Variants in ZMIZ1 observed in about 807,000 individuals in gnomAD.
The protein encoded by ZMIZ1 is zinc finger MIZ domain-containing protein 1.
ZMIZ1 carries 17 observed loss-of-function variants against 113.9 expected under a neutral mutation model. That is an observed-to-expected ratio of 0.15 (90% confidence interval 0.10 to 0.22). The LOEUF (loss-of-function observed/expected upper bound fraction) is 0.22. Among genes scored for constraint, ZMIZ1 ranks in the 10% least tolerant of loss-of-function variants. The probability of loss-of-function intolerance (pLI) is 1.00; values close to 1 mark genes in which losing one functional copy is unlikely to be tolerated. For missense variants in ZMIZ1, 1,059 were observed against 1,477.8 expected (o/e 0.72, Z 4.65); for synonymous variants, 607 against 603.1 (o/e 1.01, Z -0.09).
chr10:79,149,749 G>A (rs770459190), intron 3 of ZMIZ1, among the ~76,000 whole-genome samples: 5 of 152,228 alleles, frequency 3.3e-5, no homozygotes, highest in Non-Finnish European at 7.3e-5. Flanking sequence ...CCTGAACTTG[G>A]CCTTGGTTCA....
chr10:79,097,295 C>G (rs1476987545), intron 1 of ZMIZ1, among the ~76,000 whole-genome samples: 3 of 152,230 alleles, frequency 2.0e-5, no homozygotes, highest in Non-Finnish European at 4.4e-5. Context: ...GAGGCCTGGC[C>G]TGAGCCCTTA....
intron 7 of ZMIZ1, among the ~76,000 whole-genome samples, chr10:79,248,869 G>A (rs997219209): frequency 5.3e-5 from 8 of 152,188 alleles, no homozygotes; most frequent in African/African-American, 1.7e-4. Context: ...ATGGGTGCCA[G>A]CGGGTAGTCT....
chr10:79,240,037 G>A (rs893305623), intron 7 of ZMIZ1, among the ~76,000 whole-genome samples: 10 of 152,166 alleles, frequency 6.6e-5, no homozygotes, highest in Middle Eastern at 3.2e-3. Flanking sequence ...GTGATTTATC[G>A]GCGGCTCCTC....
rs1007472322 is a variant in ZMIZ1 at position 79,208,250 on chromosome 10, G to A, written c.61-86G>A. The A allele has an allele frequency of 9.3e-5, 107 of 1,145,838 alleles. 1 individual carries two copies. Among genetic ancestry groups the A allele is most frequent in the Non-Finnish European group, 1.3e-4 (102 of 769,552 alleles). 71.0% of individuals were successfully genotyped at this position (1,145,838 alleles called of 1,614,324 possible). ...TGTGAACCTCCTCCCCAGTGAGGCTGGGTTCTTCCCACCCCAGACCCCCAC... is the reference window on the plus strand; with the variant it reads ...TGTGAACCTCCTCCCCAGTGAGGCTAGGTTCTTCCCACCCCAGACCCCCAC... On this transcript the variant is annotated intron_variant, in intron 5 of 24. Transcript: ENST00000334512.
At chr10:79,280,093 TC>T (rs2131986301) in intron 8 of ZMIZ1, among the ~76,000 whole-genome samples, 1 of 151,698 alleles carries the variant, frequency 6.6e-6, no homozygotes, top group South Asian at 2.1e-4. Flanking sequence ...GCTCAAGTGA[TC>T]CTCCCATCTC....
At chr10:79,218,307 C>A (rs941198793) in intron 7 of ZMIZ1, among the ~76,000 whole-genome samples, 1 of 152,066 alleles carries the variant, frequency 6.6e-6, no homozygotes, top group African/African-American at 2.4e-5. Context: ...AACCCCATAT[C>A]TACAAAAAAA....
intron 3 of ZMIZ1, among the ~76,000 whole-genome samples, chr10:79,145,893 A>T (rs1333066532): frequency 6.6e-6 from 1 of 152,130 alleles, no homozygotes; most frequent in Admixed American, 6.5e-5. Context: ...TTTTTATTAG[A>T]GACAAGGTCT....
At chr10:79,250,888 C>T (rs1337693164) in intron 7 of ZMIZ1, among the ~76,000 whole-genome samples, 1 of 152,116 alleles carries the variant, frequency 6.6e-6, no homozygotes, top group African/African-American at 2.4e-5. Context: ...AACCCTAGGT[C>T]CTGGCACCCA....
rs59789220 is a variant in ZMIZ1, at chr10:79,166,001, TGG to T, written c.-50+3870_-50+3871del. On this transcript the variant is annotated intron_variant, in intron 4 of 24. Transcript: ENST00000334512. ...GTGTGTGTGTGTGTGTGTGTGTGTG[TGG>T]GCTCTCCCTGCAGGGTGGGGCAGTG... Among the ~76,000 whole-genome samples the T allele has an allele frequency of 2.1e-3, 128 of 61,858 alleles. 1 individual carries two copies. Among genetic ancestry groups the T allele is most frequent in the African/African-American group, 6.8e-3 (126 of 18,644 alleles). 40.6% of individuals were successfully genotyped at this position (61,858 alleles called of 152,430 possible). A position where few individuals can be genotyped will look rare whatever the true frequency, so the allele number is the denominator to read the frequency against.
At chr10:79,162,608 C>T (rs1846159060) in intron 4 of ZMIZ1, among the ~76,000 whole-genome samples, 2 of 152,296 alleles carry the variant, frequency 1.3e-5, no homozygotes, top group South Asian at 4.1e-4. Context: ...GGATTCAAAT[C>T]CTGACTGGCA....
intron 1 of ZMIZ1, among the ~76,000 whole-genome samples, chr10:79,117,173 T>A (rs1844069871): frequency 6.6e-6 from 1 of 152,258 alleles, no homozygotes; most frequent in African/African-American, 2.4e-5. Context: ...GCAGGACCTC[T>A]TGAGGAGGCC....
chr10:79,272,797 C>T (rs547960514), intron 7 of ZMIZ1, among the ~76,000 whole-genome samples: 127 of 152,314 alleles, frequency 8.3e-4, no homozygotes, highest in African/African-American at 2.9e-3. Context: ...CGTGCTTTTA[C>T]GTTTTACGCT....
chr10:79,230,554 C>T lies in ZMIZ1; in HGVS notation c.280+14280C>T, dbSNP rs150627652. ...CACTTCCTCCCAATTAAGCGTCTGCCGGGAGTCGAGGGGCCCGCCTGTGTG... is the reference window on the plus strand; with the variant it reads ...CACTTCCTCCCAATTAAGCGTCTGCTGGGAGTCGAGGGGCCCGCCTGTGTG... On this transcript the variant is annotated intron_variant, in intron 7 of 24. Coordinates refer to ENST00000334512, the MANE Select transcript of ZMIZ1 (RefSeq NM_020338.4). 4.3e-4 allele frequency among the ~76,000 whole-genome samples: 66 copies of T among 152,310 alleles called. No individual in the cohort carries two copies. In the East Asian group the frequency reaches 6.6e-3, roughly 15 times the overall value.
chr10:79,077,708 G>A (rs1842521737), intron 1 of ZMIZ1, among the ~76,000 whole-genome samples: 1 of 152,222 alleles, frequency 6.6e-6, no homozygotes, highest in Admixed American at 6.5e-5. Flanking sequence ...CTTTGGGCAA[G>A]TAATGTTTAA....
intron 7 of ZMIZ1, among the ~76,000 whole-genome samples, chr10:79,262,082 C>T (rs1851304364): frequency 6.6e-6 from 1 of 152,194 alleles, no homozygotes; most frequent in East Asian, 1.9e-4. Flanking sequence ...GCCCTAAGAA[C>T]TTGCTTATGT....
intron 1 of ZMIZ1, among the ~76,000 whole-genome samples, chr10:79,100,225 TAGGGG>T (rs1388409035): frequency 3.9e-5 from 6 of 151,952 alleles, no homozygotes; most frequent in Admixed American, 3.3e-4. Context: ...GTCAGCCTAC[TAGGGG>T]AGGGCATTCA....
At chr10:79,189,548 C>T (rs1014839531) in intron 4 of ZMIZ1, among the ~76,000 whole-genome samples, 1 of 152,218 alleles carries the variant, frequency 6.6e-6, no homozygotes, top group Non-Finnish European at 1.5e-5. Context: ...CTGAGGCATA[C>T]TGAGGCTAGC....
At chr10:79,272,556 G>A (rs1000726424) in intron 7 of ZMIZ1, among the ~76,000 whole-genome samples, 8 of 152,362 alleles carry the variant, frequency 5.3e-5, no homozygotes, top group Admixed American at 3.3e-4. Flanking sequence ...ACTCAGCAGT[G>A]GGGGCCATGT....
chr10:79,296,694 T>A lies in ZMIZ1; in HGVS notation c.1413+41T>A. 6.6e-7 allele frequency: 1 copy of A among 1,508,034 alleles called. No individual in the cohort carries two copies. The highest frequency in any genetic ancestry group is 8.9e-7 in the Non-Finnish European group (1 of 1,125,580). The allele number at this position is 1,508,034 out of a possible 1,614,324, so 93.4% of individuals were successfully genotyped here. A position where few individuals can be genotyped will look rare whatever the true frequency, so the allele number is the denominator to read the frequency against. On this transcript the variant is annotated intron_variant, in intron 13 of 24. Transcript: ENST00000334512. The surrounding 1 kb of genome is among the most constrained non-coding windows in gnomAD (Gnocchi z 4.1). ...GCCACCACCCACGGGGCCCCTTCCCTCCTAACCACCTCACTCCCCTAACTC... is the reference window on the plus strand; with the variant it reads ...GCCACCACCCACGGGGCCCCTTCCCACCTAACCACCTCACTCCCCTAACTC...
Sources: gnomAD v4.1 joint callset for allele counts (sites outside exome capture counted in the v4.1 genomes callset) on GRCh38, gnomAD v4.1.1 for gene constraint, Gnocchi (gnomAD v3.1) non-coding constraint, MANE v1.5 for transcripts, NCBI Gene and HGNC (gene_info 2026-07-23, HGNC 2026-07-21) for gene names.